The following TMC1 variants were observed in gnomAD, a reference collection of about 807,000 sequenced individuals.
The protein encoded by TMC1 is transmembrane channel-like protein 1.
TMC1 carries 84 observed loss-of-function variants against 105.8 expected under a neutral mutation model. The ratio of observed to expected loss-of-function variants is 0.79; its 90% CI spans 0.67 to 0.95. The LOEUF (loss-of-function observed/expected upper bound fraction) is 0.95. Among genes scored for constraint, TMC1 ranks in the 40% least tolerant of loss-of-function variants. The pLI is 0.00. For missense variants in TMC1, 817 were observed against 914.1 expected, an observed-to-expected ratio of 0.89 and a Z score of 1.37; for synonymous variants, 315 against 311.5, an observed-to-expected ratio of 1.01 and a Z score of -0.12.
At chr9:72,804,562 T>C (rs1828536361) in intron 17 of TMC1, among the ~76,000 whole-genome samples, 1 of 152,224 alleles carries the variant, frequency 6.6e-6, no homozygotes, top group African/African-American at 2.4e-5. Context: ...ATTTTTCCGT[T>C]TTTAATCTGG....
intron 8 of TMC1, among the ~76,000 whole-genome samples, chr9:72,735,115 T>C (rs1228330611): frequency 6.6e-6 from 1 of 152,214 alleles, no homozygotes; most frequent in East Asian, 1.9e-4. Flanking sequence ...TGTCATTAAA[T>C]AGACCTCGCT....
At chr9:72,788,211 C>T in intron 13 of TMC1, 128 bp from the exon 14 acceptor site, 2 of 1,032,996 alleles carry the variant, frequency 1.9e-6, no homozygotes, top group Non-Finnish European at 2.9e-6. Context: ...GTCATTAGAA[C>T]AAACTTGTTA....
chr9:72,834,517 A>G (rs57257453), intron 23 of TMC1, among the ~76,000 whole-genome samples: 22,605 of 152,052 alleles, frequency 0.15, 1,775 homozygotes, highest in Non-Finnish European at 0.17. Context: ...TCTCCTCTTA[A>G]GCTGATCAGA....
rs75674605 is a variant in TMC1 at position 72,837,065 on chromosome 9, G to A, written c.*1092G>A. ...GGTTCTGGAGTTTGCATCTCTCCCC[G>A]CTTGATTTTTTTGGCGGATGGGCTG... is the stretch of plus-strand genomic sequence containing the variant. On this transcript the variant is annotated 3_prime_UTR_variant, in exon 24 of 24. Coordinates refer to ENST00000297784, the MANE Select transcript of TMC1 (RefSeq NM_138691.3). 1,382 of 152,426 alleles carry A rather than the reference G, an allele frequency of 9.1e-3. 8 individuals carry two copies. The highest frequency in any genetic ancestry group is 0.015 in the Non-Finnish European group (1,044 of 68,172). The allele number at this position is 152,426 out of a possible 1,614,324, so 9.4% of individuals were successfully genotyped here.
chr9:72,770,670 C>A (rs1309096148), intron 12 of TMC1, among the ~76,000 whole-genome samples: 2 of 151,880 alleles, frequency 1.3e-5, no homozygotes, highest in Non-Finnish European at 2.9e-5. Context: ...GCTCACACAA[C>A]CATGGAGGCT....
intron 8 of TMC1, among the ~76,000 whole-genome samples, chr9:72,725,325 GTATA>G (rs57562145): frequency 0.053 from 4,145 of 77,552 alleles, 134 homozygotes; most frequent in African/African-American, 0.097. Flanking sequence ...ATGTGTGTAT[GTATA>G]TATATATATA....
chr9:72,657,706 G>C (rs1825905838), intron 5 of TMC1, among the ~76,000 whole-genome samples: 1 of 151,990 alleles, frequency 6.6e-6, no homozygotes, highest in Non-Finnish European at 1.5e-5. Context: ...TTCCGCTTTT[G>C]TCTAATGTCT....
chr9:72,824,245 T>C (rs970638774), intron 20 of TMC1, among the ~76,000 whole-genome samples: 1 of 152,204 alleles, frequency 6.6e-6, no homozygotes, highest in Non-Finnish European at 1.5e-5. Context: ...GGTGTTACAA[T>C]GCTTCCTGAG....
chr9:72,767,854 A>G lies in TMC1; in HGVS notation c.742-4559A>G, dbSNP rs979123949. 1.1e-4 allele frequency among the ~76,000 whole-genome samples: 16 copies of G among 152,242 alleles called. 1 individual carries two copies. The East Asian group carries it at 3.1e-3, about 29-fold the overall frequency. ...CTTGGCTGGGCTAGGAGTCATTGCT[A>G]TTTTAGTCACTTCCAGATGTCTGCT... On this transcript the variant is annotated intron_variant, in intron 12 of 23. Transcript: ENST00000297784.
intron 5 of TMC1, among the ~76,000 whole-genome samples, chr9:72,656,694 T>C (rs1825890312): frequency 6.6e-6 from 1 of 152,248 alleles, no homozygotes; most frequent in South Asian, 2.1e-4. Flanking sequence ...TTTATAAAAG[T>C]GAACTTCATT....
At position 72,550,576 on chromosome 9, in the gene TMC1, T is replaced by C. The variant is rs1245750034; in HGVS notation, c.-427-27326T>C. Reference sequence around the variant, plus strand: ...GGGAGGCTGAGGCAGGAGAATGGCGTGAACCCAGGAGGCGGAGCTTGCAGT... The same window carrying C: ...GGGAGGCTGAGGCAGGAGAATGGCGCGAACCCAGGAGGCGGAGCTTGCAGT... On this transcript the variant is annotated intron_variant, in intron 1 of 23. Transcript: ENST00000297784. Among the ~76,000 whole-genome samples the C allele has an allele frequency of 2.1e-5, 3 of 140,516 alleles. No homozygotes were observed. The East Asian group carries it at 6.3e-4, about 29-fold the overall frequency. 92.2% of individuals were successfully genotyped at this position (140,516 alleles called of 152,430 possible). A position where few individuals can be genotyped will look rare whatever the true frequency, so the allele number is the denominator to read the frequency against.
chr9:72,574,486 T>C (rs1432191615), intron 1 of TMC1, among the ~76,000 whole-genome samples: 1 of 152,214 alleles, frequency 6.6e-6, no homozygotes, highest in African/African-American at 2.4e-5. Flanking sequence ...CAGATTAAAG[T>C]TGATGATTCA....
chr9:72,692,887 G>A (rs13300751), intron 6 of TMC1, among the ~76,000 whole-genome samples: 2,553 of 152,256 alleles, frequency 0.017, 38 homozygotes, highest in Non-Finnish European at 0.024. Context: ...GGGAGGCCAA[G>A]GCAGGTGAAT....
chr9:72,639,666 C>A (rs981356605), intron 4 of TMC1, among the ~76,000 whole-genome samples: 3 of 151,994 alleles, frequency 2.0e-5, no homozygotes, highest in African/African-American at 7.2e-5. Context: ...ATTACTCTGA[C>A]ATTTGTTATT....
intron 2 of TMC1, among the ~76,000 whole-genome samples, chr9:72,615,065 A>G (rs1794959751): frequency 6.6e-6 from 1 of 152,208 alleles, no homozygotes; most frequent in African/African-American, 2.4e-5. Flanking sequence ...AATAAGTATA[A>G]TTGAAATATT....
intron 10 of TMC1, 148 bp downstream of exon 10, chr9:72,742,673 T>C: frequency 1.3e-6 from 1 of 751,186 alleles, no homozygotes. Context: ...AAAAACTTTG[T>C]TTATGCCTGC....
At chr9:72,578,427 T>C (rs2132096750) in intron 2 of TMC1, 1 of 152,298 alleles carries the variant, frequency 6.6e-6, no homozygotes, top group East Asian at 1.9e-4. Context: ...CAAGTGATGC[T>C]CTTATCCCTC....
chr9:72,813,034 T>A (rs1201886797), intron 18 of TMC1, among the ~76,000 whole-genome samples: 1 of 152,188 alleles, frequency 6.6e-6, no homozygotes, highest in Admixed American at 6.5e-5. Context: ...CAAATCCACA[T>A]GGGCTTTTCT....
intron 15 of TMC1, among the ~76,000 whole-genome samples, chr9:72,790,496 A>G (rs1013086597): frequency 2.6e-5 from 4 of 152,212 alleles, no homozygotes; most frequent in African/African-American, 7.2e-5. Context: ...TTTGCTTTCA[A>G]AATGGTCTCA....
Sources: gnomAD v4.1 joint callset for allele counts (sites outside exome capture counted in the v4.1 genomes callset) on GRCh38, gnomAD v4.1.1 for gene constraint, MANE v1.5 for transcripts, NCBI Gene and HGNC (gene_info 2026-07-23, HGNC 2026-07-21) for gene names.